Variants in GFI1B observed in about 807,000 individuals in gnomAD.
GFI1B encodes growth factor independent 1B transcriptional repressor.
A neutral mutation model predicts 35.3 loss-of-function variants in GFI1B; 20 were observed. The observed-to-expected ratio is 0.57, with a 90% CI of 0.40 to 0.82. GFI1B has a LOEUF of 0.82. GFI1B is among the 40% of genes least tolerant of loss of function. The pLI, the probability that GFI1B is intolerant of heterozygous loss-of-function variation, is 0.00. For missense variants in GFI1B, 430 were observed against 446.3 expected, an observed-to-expected ratio of 0.96 and a Z score of 0.33; for synonymous variants, 178 against 177.6, an observed-to-expected ratio of 1.00 and a Z score of -0.02.
At chr9:132,988,492 G>A (rs754118663) in intron 4 of GFI1B, 24 bp downstream of exon 4, 1 of 1,608,558 alleles carries the variant, frequency 6.2e-7, no homozygotes, top group Non-Finnish European at 8.5e-7. Flanking sequence ...GGTGTGGTGG[G>A]CACCTGGGCC....
At chr9:132,946,496 C>T (rs1848104775) in intron 1 of GFI1B, 1 of 152,188 alleles carries the variant, frequency 6.6e-6, no homozygotes, top group Non-Finnish European at 1.5e-5. Context: ...TGTGTCACCA[C>T]CCAAGCATAG....
chr9:132,964,004 G>T (rs150211978), intron 1 of GFI1B, among the ~76,000 whole-genome samples: 18 of 152,286 alleles, frequency 1.2e-4, no homozygotes, highest in African/African-American at 4.1e-4. Flanking sequence ...ACTTTGGGAG[G>T]CCAAGGTGGG....
intron 1 of GFI1B, among the ~76,000 whole-genome samples, chr9:132,966,754 A>G (rs898085121): frequency 2.6e-5 from 4 of 152,212 alleles, no homozygotes; most frequent in Non-Finnish European, 5.9e-5. Context: ...CAAACTCAGC[A>G]TCACTAAGGT....
At position 132,988,425 on chromosome 9, in the gene GFI1B, A is replaced by T; in HGVS notation, c.467A>T (p.Tyr156Phe). ...TEPALDFSLR[Y>F]SPGMDAYHCV... ...CCCGCCTTGGACTTCAGCCTCCGCT[A>T]CTCCCCAGGCATGGATGCGTACCAC... Residue 156 changes from tyrosine to phenylalanine, a missense_variant, in exon 4 of 7, where the codon TAC (tyrosine) becomes TTC (phenylalanine). Tyr to Phe is a conservative substitution (Grantham distance 22, BLOSUM62 3). Coordinates refer to ENST00000372122, the MANE Select transcript of GFI1B (RefSeq NM_001377304.1). The T allele has an allele frequency of 6.2e-7, 1 of 1,613,958 alleles. No individual in the cohort carries two copies. Among genetic ancestry groups the T allele is most frequent in the Non-Finnish European group, 8.5e-7 (1 of 1,180,002 alleles).
chr9:132,976,786 A>G (rs200617328), upstream of GFI1B, among the ~76,000 whole-genome samples: 37 of 152,178 alleles, frequency 2.4e-4, 1 homozygote, highest in East Asian at 6.4e-3. Context: ...TCTAAAAAAA[A>G]TAAAAAAATT....
intron 4 of GFI1B, 104 bp from the exon 5 acceptor site, chr9:132,988,956 GT>G: frequency 7.2e-6 from 8 of 1,118,028 alleles, no homozygotes; most frequent in African/African-American, 1.5e-5. Context: ...CTTACTCTGT[GT>G]ACCCAGCCTT....
chr9:132,947,429 AAG>A (rs1189254877), intron 1 of GFI1B, among the ~76,000 whole-genome samples: 3 of 93,824 alleles, frequency 3.2e-5, no homozygotes, highest in African/African-American at 4.1e-5. Context: ...AAAAAAAAAA[AAG>A]AAAGAAAAAG....
chr9:132,950,963 G>C (rs1428117127), intron 1 of GFI1B, among the ~76,000 whole-genome samples: 1 of 152,014 alleles, frequency 6.6e-6, no homozygotes, highest in Admixed American at 6.6e-5. Context: ...TTAGCCTCCT[G>C]TGTAGCTGGG....
chr9:132,967,538 A>G (rs962614630), intron 1 of GFI1B, among the ~76,000 whole-genome samples: 2 of 152,202 alleles, frequency 1.3e-5, no homozygotes, highest in African/African-American at 4.8e-5. Context: ...CTAAAAGAGG[A>G]ACTATCAAAG....
At chr9:132,969,408 T>G (rs764916919) in intron 1 of GFI1B, among the ~76,000 whole-genome samples, 12 of 152,202 alleles carry the variant, frequency 7.9e-5, no homozygotes, top group Non-Finnish European at 1.3e-4. Context: ...ACTGGCTTAT[T>G]TCACTTAGCA....
At chr9:132,976,681 A>T (rs1848640815), upstream of GFI1B, 1 of 152,230 alleles carries the variant, frequency 6.6e-6, no homozygotes, top group African/African-American at 2.4e-5. Flanking sequence ...TTGACATTGC[A>T]TTCTCTGAAT....
chr9:132,966,050 G>A (rs2905077), intron 1 of GFI1B, among the ~76,000 whole-genome samples: 29,098 of 152,132 alleles, frequency 0.19, 3,403 homozygotes, highest in South Asian at 0.29. Context: ...GAAGTTTAAG[G>A]GGGAAAAGAG....
chr9:132,987,444 T>C, intron 3 of GFI1B, 25 bp downstream of exon 3: 1 of 1,613,768 alleles, frequency 6.2e-7, no homozygotes, highest in Non-Finnish European at 8.5e-7. Context: ...CCCACTGTCA[T>C]TCCCCAGGGA....
intron 1 of GFI1B, among the ~76,000 whole-genome samples, chr9:132,956,459 C>CA (rs1449989468): frequency 2.0e-5 from 3 of 152,152 alleles, no homozygotes; most frequent in Non-Finnish European, 4.4e-5. Context: ...ACAGGCTGCT[C>CA]AAAAAATCCC....
At chr9:132,971,076 G>A (rs1433054209) in intron 1 of GFI1B, among the ~76,000 whole-genome samples, 1 of 152,186 alleles carries the variant, frequency 6.6e-6, no homozygotes, top group Non-Finnish European at 1.5e-5. Context: ...TTTTGCCCAG[G>A]CCAGTCTTGA....
intron 1 of GFI1B, among the ~76,000 whole-genome samples, chr9:132,983,789 C>T (rs192632191): frequency 6.2e-4 from 94 of 152,356 alleles, no homozygotes; most frequent in African/African-American, 2.0e-3. Flanking sequence ...CCATGCCGGG[C>T]ACTGCCCAGC....
At position 132,989,259 on chromosome 9, in the gene GFI1B, A is replaced by T; in HGVS notation, c.648+61A>T. 2 of 1,533,110 alleles carry T rather than the reference A, an allele frequency of 1.3e-6. No homozygotes were observed. Among genetic ancestry groups the T allele is most frequent in the Non-Finnish European group, 1.8e-6 (2 of 1,117,082 alleles). The allele number at this position is 1,533,110 out of a possible 1,614,324, so 95.0% of individuals were successfully genotyped here. A position where few individuals can be genotyped will look rare whatever the true frequency, so the allele number is the denominator to read the frequency against. On this transcript the variant is annotated intron_variant, in intron 5 of 6. Coordinates refer to ENST00000372122, the MANE Select transcript of GFI1B (RefSeq NM_001377304.1). The surrounding 1 kb of genome is among the most constrained non-coding windows in gnomAD (Gnocchi z 6.2). Reference sequence around the variant, plus strand: ...ACTCCTTCTCTGTGCTTCCCCAGGGAGCCTGGGGGCTGTGGCTGGGTCCCT... The same window carrying T: ...ACTCCTTCTCTGTGCTTCCCCAGGGTGCCTGGGGGCTGTGGCTGGGTCCCT...
At chr9:132,974,691 G>A (rs1409803161), upstream of GFI1B, among the ~76,000 whole-genome samples, 2 of 148,770 alleles carry the variant, frequency 1.3e-5, no homozygotes, top group East Asian at 4.0e-4. Flanking sequence ...TGAAGGAATA[G>A]AAAGTGACTG....
intron 1 of GFI1B, among the ~76,000 whole-genome samples, chr9:132,963,021 G>A (rs1848391268): frequency 7.2e-6 from 1 of 138,690 alleles, no homozygotes; most frequent in South Asian, 2.3e-4. Context: ...GACAGAGGTT[G>A]CAATGAGCTG....
Sources: gnomAD v4.1 joint callset for allele counts (sites outside exome capture counted in the v4.1 genomes callset) on GRCh38, gnomAD v4.1.1 for gene constraint, Gnocchi (gnomAD v3.1) non-coding constraint, MANE v1.5 for transcripts, NCBI Gene and HGNC (gene_info 2026-07-23, HGNC 2026-07-21) for gene names.